Variants in PALLD observed in about 807,000 individuals in gnomAD.
PALLD encodes palladin, cytoskeletal associated protein.
Under a neutral mutation model 123.5 loss-of-function variants are expected in PALLD, and 61 were observed. The observed-to-expected ratio is 0.49, with a 90% CI of 0.40 to 0.61. PALLD has a LOEUF of 0.61. Among genes scored for constraint, PALLD ranks in the 20% least tolerant of loss-of-function variants. PALLD has a pLI of 0.00. For missense variants in PALLD, 1,273 were observed against 1,377.0 expected (o/e 0.92, Z 1.20); for synonymous variants, 465 against 496.4 (o/e 0.94, Z 0.84).
chr4:168,560,970 T>C (rs1301301318), intron 2 of PALLD, among the ~76,000 whole-genome samples: 1 of 152,110 alleles, frequency 6.6e-6, no homozygotes, highest in Non-Finnish European at 1.5e-5. Flanking sequence ...TTGCCTGCAA[T>C]AATAGAGGAA....
chr4:168,697,449 C>T (rs555537402), intron 8 of PALLD, among the ~76,000 whole-genome samples: 3 of 152,308 alleles, frequency 2.0e-5, no homozygotes, highest in South Asian at 2.1e-4. Context: ...CCTCGTGTCT[C>T]GAGGGACAAA....
chr4:168,789,104 G>A (rs138912902), intron 10 of PALLD, among the ~76,000 whole-genome samples: 613 of 152,214 alleles, frequency 4.0e-3, no homozygotes, highest in Non-Finnish European at 6.8e-3. Context: ...TTATATAAGA[G>A]GAATCATGAC....
chr4:168,714,791 C>T (rs1217424765), intron 10 of PALLD, among the ~76,000 whole-genome samples: 1 of 151,232 alleles, frequency 6.6e-6, no homozygotes. Context: ...TTTACTCTCA[C>T]AATGAATTAA....
intron 2 of PALLD, among the ~76,000 whole-genome samples, chr4:168,541,030 G>A (rs1467561804): frequency 6.6e-6 from 1 of 152,182 alleles, no homozygotes; most frequent in Non-Finnish European, 1.5e-5. Context: ...TGTGGGCAAA[G>A]ATGATTGCAG....
intron 10 of PALLD, among the ~76,000 whole-genome samples, chr4:168,797,504 A>G (rs1738680566): frequency 6.6e-6 from 1 of 152,146 alleles, no homozygotes; most frequent in African/African-American, 2.4e-5. Context: ...TTCATACCCA[A>G]GGAAATTTGA....
intron 2 of PALLD, among the ~76,000 whole-genome samples, chr4:168,553,805 G>A (rs945880259): frequency 6.6e-6 from 1 of 152,006 alleles, no homozygotes; most frequent in Non-Finnish European, 1.5e-5. Context: ...CTTGGAATAT[G>A]CATTTTTCCT....
chr4:168,642,153 G>T (rs1404357281), intron 2 of PALLD, among the ~76,000 whole-genome samples: 1 of 152,032 alleles, frequency 6.6e-6, no homozygotes, highest in Non-Finnish European at 1.5e-5. Flanking sequence ...ACATCCCTCG[G>T]GTCTTTCAGG....
intron 10 of PALLD, among the ~76,000 whole-genome samples, chr4:168,850,774 C>T (rs768764985): frequency 7.4e-4 from 112 of 151,798 alleles, no homozygotes; most frequent in Non-Finnish European, 1.4e-3. Flanking sequence ...TCAGGTGATC[C>T]GCCCGCCTCG....
chr4:168,806,854 G>A (rs535232948), intron 10 of PALLD, among the ~76,000 whole-genome samples: 2 of 152,222 alleles, frequency 1.3e-5, no homozygotes, highest in South Asian at 2.1e-4. Flanking sequence ...CTGACAAGAT[G>A]TATAGAGATG....
intron 1 of PALLD, among the ~76,000 whole-genome samples, chr4:168,509,632 C>T (rs1762345432): frequency 6.6e-6 from 1 of 152,130 alleles, no homozygotes; most frequent in Admixed American, 6.5e-5. Context: ...AGAATGATGA[C>T]ACCCTCTGAA....
intron 2 of PALLD, among the ~76,000 whole-genome samples, chr4:168,592,479 T>A (rs1420349740): frequency 1.3e-5 from 2 of 152,110 alleles, no homozygotes; most frequent in Non-Finnish European, 2.9e-5. Context: ...CCTTGGAGTG[T>A]TTTTACTTTG....
At position 168,812,295 on chromosome 4, in the gene PALLD, G is replaced by T. The variant is rs184542615; in HGVS notation, c.1965-78627G>T. Among the ~76,000 whole-genome samples, 51 of 152,234 alleles carry T rather than the reference G, an allele frequency of 3.4e-4. 1 individual carries two copies. The highest frequency in any genetic ancestry group is 1.1e-3 in the African/African-American group (47 of 41,548). ...TCCTTAGAAATACGGCAGTACAGACGATTAGTAAGGGGTATCTAAGAATCT... is the reference window on the plus strand; with the variant it reads ...TCCTTAGAAATACGGCAGTACAGACTATTAGTAAGGGGTATCTAAGAATCT... On this transcript the variant is annotated intron_variant, in intron 10 of 21. Coordinates refer to ENST00000505667, the MANE Select transcript of PALLD (RefSeq NM_001166108.2).
chr4:168,568,845 A>G (rs9998166), intron 2 of PALLD, among the ~76,000 whole-genome samples: 2 of 151,626 alleles, frequency 1.3e-5, no homozygotes, highest in Non-Finnish European at 2.9e-5. Context: ...GTACCATGGA[A>G]TGCTTTAAAT....
At chr4:168,890,039 C>T (rs1335172712) in intron 10 of PALLD, among the ~76,000 whole-genome samples, 2 of 152,134 alleles carry the variant, frequency 1.3e-5, no homozygotes, top group Admixed American at 6.5e-5. Flanking sequence ...TTCATTTCCC[C>T]ATTGCTTAGT....
At chr4:168,884,422 C>T (rs1753058333) in intron 10 of PALLD, among the ~76,000 whole-genome samples, 1 of 152,216 alleles carries the variant, frequency 6.6e-6, no homozygotes, top group East Asian at 1.9e-4. Context: ...GCCAAGCTCT[C>T]CCTGTAGGTC....
chr4:168,849,245 G>A (rs1051200535), intron 10 of PALLD, among the ~76,000 whole-genome samples: 1 of 152,256 alleles, frequency 6.6e-6, no homozygotes. Context: ...ATGCGTTCCA[G>A]ACGTCTGCAC....
At chr4:168,625,330 T>A (rs1347266145) in intron 2 of PALLD, among the ~76,000 whole-genome samples, 2 of 151,554 alleles carry the variant, frequency 1.3e-5, no homozygotes, top group Non-Finnish European at 2.9e-5. Flanking sequence ...TATCATGAAG[T>A]GGTGGTGAAG....
intron 2 of PALLD, among the ~76,000 whole-genome samples, chr4:168,599,870 G>C (rs1352955419): frequency 6.6e-6 from 1 of 151,710 alleles, no homozygotes; most frequent in Non-Finnish European, 1.5e-5. Context: ...ATTTGAAAAA[G>C]TAGTTTAAAA....
intron 10 of PALLD, among the ~76,000 whole-genome samples, chr4:168,751,731 C>G (rs956070925): frequency 6.6e-6 from 1 of 152,126 alleles, no homozygotes; most frequent in Admixed American, 6.5e-5. Context: ...GGACAGTAAC[C>G]TGCTAGCAAA....
Sources: gnomAD v4.1 joint callset for allele counts (sites outside exome capture counted in the v4.1 genomes callset) on GRCh38, gnomAD v4.1.1 for gene constraint, MANE v1.5 for transcripts, NCBI Gene and HGNC (gene_info 2026-07-23, HGNC 2026-07-21) for gene names.